Variants in NR6A1 observed in about 807,000 individuals in gnomAD.
NR6A1 encodes the protein nuclear receptor subfamily 6 group A member 1, also known as retinoic acid receptor-related testis-associated receptor.
In NR6A1, 7 loss-of-function variants were observed where a neutral mutation model predicts 59.1. The observed-to-expected ratio is 0.12, with a 90% CI of 0.07 to 0.22. The LOEUF is 0.22. Ranked by LOEUF, NR6A1 falls within the 10% of genes least tolerant of loss-of-function variation. NR6A1 has a pLI of 1.00. For missense variants in NR6A1, 468 were observed against 611.6 expected (o/e 0.77, Z 2.48); for synonymous variants, 243 against 236.1 (o/e 1.03, Z -0.27).
At chr9:124,629,308 A>C (rs1288949351) in intron 2 of NR6A1, among the ~76,000 whole-genome samples, 1 of 152,230 alleles carries the variant, frequency 6.6e-6, no homozygotes, top group African/African-American at 2.4e-5. Context: ...ACCAGCTGTA[A>C]AGTGAGACTG....
intron 2 of NR6A1, among the ~76,000 whole-genome samples, chr9:124,573,423 A>G (rs928081548): frequency 2.0e-5 from 3 of 152,158 alleles, no homozygotes; most frequent in Non-Finnish European, 4.4e-5. Flanking sequence ...CTAACTTGAA[A>G]TCTTTCACCC....
intron 2 of NR6A1, among the ~76,000 whole-genome samples, chr9:124,607,794 C>A (rs755356791): frequency 5.1e-4 from 77 of 152,254 alleles, no homozygotes; most frequent in Middle Eastern, 6.8e-3. Context: ...CCTACAATCC[C>A]AGCACTTTGG....
chr9:124,734,971 A>G (rs1839982769), intron 1 of NR6A1, among the ~76,000 whole-genome samples: 1 of 152,160 alleles, frequency 6.6e-6, no homozygotes, highest in South Asian at 2.1e-4. Flanking sequence ...CAGTCTCCTG[A>G]GCAGCTGGGA....
chr9:124,746,016 A>G (rs3861887), intron 1 of NR6A1, among the ~76,000 whole-genome samples: 89,251 of 146,816 alleles, frequency 0.61, 28,536 homozygotes, highest in African/African-American at 0.82. Context: ...AAAATCCTAA[A>G]AACAAAATGA....
intron 2 of NR6A1, among the ~76,000 whole-genome samples, chr9:124,709,736 C>G (rs528543929): frequency 2.6e-5 from 3 of 114,972 alleles, no homozygotes; most frequent in Non-Finnish European, 5.9e-5. Context: ...GAGTTCGAGA[C>G]CAGCCTGACC....
intron 2 of NR6A1, among the ~76,000 whole-genome samples, chr9:124,632,931 T>C (rs1836490132): frequency 6.6e-6 from 1 of 152,108 alleles, no homozygotes; most frequent in Non-Finnish European, 1.5e-5. Context: ...GAGACAGCCA[T>C]GTAAGGATGT....
In NR6A1 at chr9:124,536,066, C is replaced by T; in HGVS notation, c.891G>A (p.Arg297=). The part of the protein sequence containing the change: ...LCRLADELLF[R]QIAWIKKLPF... The stretch of plus-strand genomic sequence containing the variant: ...GCAGTTTCTTGATCCAGGCAATCTG[C>T]CTAAAGAGCAGCTCGTCGGCCAGGC... The change falls in exon 7 of 10, where the codon AGG becomes AGA. Residue 297 remains arginine (R), a synonymous_variant. Coordinates refer to ENST00000487099, the MANE Select transcript of NR6A1 (RefSeq NM_033334.4). 3 of 1,614,154 alleles carry T rather than the reference C, an allele frequency of 1.9e-6. No homozygotes were observed. The highest frequency in any genetic ancestry group is 1.7e-6 in the Non-Finnish European group (2 of 1,180,028).
At chr9:124,658,930 T>A (rs547632668) in intron 2 of NR6A1, among the ~76,000 whole-genome samples, 4 of 152,312 alleles carry the variant, frequency 2.6e-5, no homozygotes, top group African/African-American at 9.6e-5. Flanking sequence ...ATAACGCAGC[T>A]GGAGAGAGTT....
At chr9:124,686,877 A>AT (rs201338829) in intron 2 of NR6A1, among the ~76,000 whole-genome samples, 1,563 of 151,716 alleles carry the variant, frequency 0.01, 27 homozygotes, top group African/African-American at 0.036. Flanking sequence ...CTAATTTTTT[A>AT]TTTTTTGTAG....
chr9:124,586,437 G>C (rs1317433695), intron 2 of NR6A1, among the ~76,000 whole-genome samples: 1 of 151,650 alleles, frequency 6.6e-6, no homozygotes, highest in Admixed American at 6.6e-5. Flanking sequence ...TGCTGCAATT[G>C]CATGATAATT....
intron 1 of NR6A1, among the ~76,000 whole-genome samples, chr9:124,765,364 C>T (rs1312650948): frequency 1.4e-4 from 21 of 151,996 alleles, no homozygotes; most frequent in Admixed American, 1.2e-3. Flanking sequence ...AAACAGCCCC[C>T]GAAATTTTTA....
intron 9 of NR6A1, among the ~76,000 whole-genome samples, chr9:124,523,648 C>T (rs1832854830): frequency 6.6e-6 from 1 of 151,926 alleles, no homozygotes; most frequent in Non-Finnish European, 1.5e-5. Flanking sequence ...CTTAATATCT[C>T]ATGTGGTAAA....
chr9:124,725,766 C>T (rs550870220), intron 2 of NR6A1, among the ~76,000 whole-genome samples: 37 of 152,238 alleles, frequency 2.4e-4, no homozygotes, highest in Middle Eastern at 3.4e-3. Flanking sequence ...GGCAAAAATT[C>T]GTCTCTAGTC....
intron 2 of NR6A1, among the ~76,000 whole-genome samples, chr9:124,594,350 A>C (rs964978030): frequency 9.2e-5 from 14 of 152,178 alleles, no homozygotes; most frequent in African/African-American, 2.9e-4. Context: ...TTTCTGTGCA[A>C]ACCTTTTTTC....
At chr9:124,706,999 GTGTT>G (rs1839152752) in intron 2 of NR6A1, among the ~76,000 whole-genome samples, 1 of 151,972 alleles carries the variant, frequency 6.6e-6, no homozygotes, top group African/African-American at 2.4e-5. Flanking sequence ...ACTCTGATGT[GTGTT>G]TATCATACTT....
intron 2 of NR6A1, among the ~76,000 whole-genome samples, chr9:124,625,577 G>A (rs894548595): frequency 6.6e-6 from 1 of 152,112 alleles, no homozygotes; most frequent in Non-Finnish European, 1.5e-5. Context: ...ATATTGCAAG[G>A]CTCTCTAGGT....
intron 1 of NR6A1, among the ~76,000 whole-genome samples, chr9:124,760,077 C>T (rs1437684573): frequency 3.4e-5 from 5 of 147,228 alleles, no homozygotes; most frequent in African/African-American, 7.6e-5. Context: ...GGTGGGATGC[C>T]GAGGCAGGCA....
intron 2 of NR6A1, among the ~76,000 whole-genome samples, chr9:124,682,685 G>T (rs1301689016): frequency 2.0e-5 from 3 of 152,000 alleles, no homozygotes; most frequent in East Asian, 3.9e-4. Context: ...TTAATTTCTA[G>T]AAAGTAGCTA....
At chr9:124,730,847 G>T (rs554600474) in intron 2 of NR6A1, among the ~76,000 whole-genome samples, 1 of 152,180 alleles carries the variant, frequency 6.6e-6, no homozygotes, top group South Asian at 2.1e-4. Context: ...TAAACTAGAG[G>T]TTTATAAAAT....
Sources: allele counts gnomAD v4.1 joint callset (sites outside exome capture counted in the v4.1 genomes callset), GRCh38; gene constraint gnomAD v4.1.1; transcripts MANE v1.5; gene names NCBI Gene and HGNC (gene_info 2026-07-23, HGNC 2026-07-21).